Variants in DPP6 observed in about 807,000 individuals in gnomAD.
The protein encoded by DPP6 is dipeptidyl peptidase like 6.
DPP6 carries 69 observed loss-of-function variants against 122.6 expected under a neutral mutation model. The observed-to-expected ratio is 0.56, with a 90% CI of 0.46 to 0.69. DPP6 has a LOEUF of 0.69. Among genes scored for constraint, DPP6 ranks in the 30% least tolerant of loss-of-function variants. The pLI, the probability that DPP6 is intolerant of heterozygous loss-of-function variation, is 0.00. For missense variants in DPP6, 928 were observed against 1,116.9 expected, an observed-to-expected ratio of 0.83 and a Z score of 2.41; for synonymous variants, 418 against 433.1, an observed-to-expected ratio of 0.97 and a Z score of 0.43.
chr7:154,682,874 C>T (rs902484459), intron 7 of DPP6, among the ~76,000 whole-genome samples: 28 of 152,192 alleles, frequency 1.8e-4, no homozygotes, highest in Non-Finnish European at 5.9e-5. Context: ...CAGTGATAGA[C>T]GTGAGCACAG....
intron 1 of DPP6, among the ~76,000 whole-genome samples, chr7:154,056,863 T>C (rs1276081525): frequency 6.6e-6 from 1 of 152,284 alleles, no homozygotes; most frequent in Non-Finnish European, 1.5e-5. Flanking sequence ...TATACTCTAT[T>C]ACTTTTCTTC....
At chr7:154,085,776 G>T (rs58069046) in intron 1 of DPP6, among the ~76,000 whole-genome samples, 15,556 of 152,158 alleles carry the variant, frequency 0.1, 825 homozygotes, top group Middle Eastern at 0.18. Flanking sequence ...CACCCAGGCT[G>T]GAATGCAATG....
intron 1 of DPP6, chr7:153,968,716 T>G (rs1419867188): frequency 1.3e-5 from 2 of 151,702 alleles, no homozygotes; most frequent in Non-Finnish European, 2.9e-5. Context: ...CTTCCATTGC[T>G]AAGCCCACTA....
chr7:154,759,724 CTG>C (rs1490964242), intron 8 of DPP6, among the ~76,000 whole-genome samples: 3 of 152,270 alleles, frequency 2.0e-5, no homozygotes, highest in African/African-American at 7.2e-5. Flanking sequence ...AGGCCCCTCT[CTG>C]TGTCCAGCCA....
intron 5 of DPP6, among the ~76,000 whole-genome samples, chr7:154,571,071 A>G (rs937976935): frequency 1.3e-5 from 2 of 152,210 alleles, no homozygotes; most frequent in Non-Finnish European, 2.9e-5. Context: ...TATTTTATAC[A>G]TAAAATTTCA....
At chr7:154,826,074 T>C (rs1332275334) in intron 16 of DPP6, among the ~76,000 whole-genome samples, 1 of 152,204 alleles carries the variant, frequency 6.6e-6, no homozygotes, top group East Asian at 1.9e-4. Context: ...CGCAAACCCA[T>C]GATCATTACA....
At chr7:153,807,119 T>C in the DPP6 span, among the ~76,000 whole-genome samples, 1 of 151,850 alleles carries the variant, frequency 6.6e-6, no homozygotes. Context: ...TGCATTAATA[T>C]TTCTTGCCTT....
At chr7:154,782,924 T>C (rs1187995471) in intron 10 of DPP6, among the ~76,000 whole-genome samples, 3 of 152,104 alleles carry the variant, frequency 2.0e-5, no homozygotes, top group African/African-American at 7.2e-5. Flanking sequence ...GCTGGGATTA[T>C]AGGCAACTGC....
the DPP6 span, among the ~76,000 whole-genome samples, chr7:153,827,430 G>A: frequency 1.2e-4 from 19 of 152,214 alleles, no homozygotes; most frequent in Admixed American, 6.5e-4. Flanking sequence ...AATGTAAGAT[G>A]ACTCTGAAAG....
chr7:154,703,687 C>A (rs1840658606), intron 7 of DPP6, among the ~76,000 whole-genome samples: 1 of 151,498 alleles, frequency 6.6e-6, no homozygotes, highest in Non-Finnish European at 1.5e-5. Context: ...CCTGTACTTG[C>A]AGCACTTTAG....
intron 10 of DPP6, among the ~76,000 whole-genome samples, chr7:154,774,538 C>T (rs1291505357): frequency 6.6e-6 from 1 of 152,224 alleles, no homozygotes; most frequent in Admixed American, 6.5e-5. Context: ...TCAGCCAGGA[C>T]TTGAAGCCTG....
chr7:154,853,083 A>G (rs1802538557), intron 16 of DPP6, among the ~76,000 whole-genome samples: 1 of 152,052 alleles, frequency 6.6e-6, no homozygotes, highest in Non-Finnish European at 1.5e-5. Context: ...AATGTTTTCA[A>G]AAAGATATAG....
intron 5 of DPP6, among the ~76,000 whole-genome samples, chr7:154,572,918 G>A (rs1384584931): frequency 1.3e-5 from 2 of 152,130 alleles, no homozygotes; most frequent in Non-Finnish European, 2.9e-5. Flanking sequence ...TACCTCATTT[G>A]ATCCACCCGC....
chr7:154,641,959 A>AC (rs1836129675), intron 6 of DPP6, among the ~76,000 whole-genome samples: 2 of 152,186 alleles, frequency 1.3e-5, no homozygotes, highest in African/African-American at 4.8e-5. Context: ...CTGTGAAAAA[A>AC]TTGTGTTCCT....
chr7:154,416,153 G>A (rs1169154421), intron 1 of DPP6, among the ~76,000 whole-genome samples: 2 of 152,090 alleles, frequency 1.3e-5, no homozygotes, highest in South Asian at 2.1e-4. Context: ...ATCCTGCTCC[G>A]TCCTGTTCTG....
intron 18 of DPP6, among the ~76,000 whole-genome samples, chr7:154,868,349 C>T (rs1804074878): frequency 6.6e-6 from 1 of 152,210 alleles, no homozygotes; most frequent in Admixed American, 6.5e-5. Flanking sequence ...AGCAAGACCA[C>T]AGACTCCAAC....
chr7:154,200,942 A>T (rs890642286), intron 1 of DPP6, among the ~76,000 whole-genome samples: 2 of 146,820 alleles, frequency 1.4e-5, no homozygotes, highest in Non-Finnish European at 3.0e-5. Context: ...GGTTTCCTTT[A>T]AAAAAAAAAA....
At chr7:154,198,342 C>A (rs1798981242) in intron 1 of DPP6, among the ~76,000 whole-genome samples, 1 of 151,624 alleles carries the variant, frequency 6.6e-6, no homozygotes, top group African/African-American at 2.4e-5. Flanking sequence ...GATAGGGTCT[C>A]ACTCTGTCGC....
At position 154,433,589 on chromosome 7, in the gene DPP6, G is replaced by T. The variant is rs576125404; in HGVS notation, c.244-12625G>T. Among the ~76,000 whole-genome samples, 9 of 152,144 alleles carry T rather than the reference G, an allele frequency of 5.9e-5. No homozygotes were observed. In the South Asian group the frequency reaches 1.9e-3, roughly 32 times the overall value. Reference sequence around the variant, plus strand: ...GAATCTGCATTTGACGTGCACACCCGGGGGTTCTAAGGCTATTTTTGTACC... The same window carrying T: ...GAATCTGCATTTGACGTGCACACCCTGGGGTTCTAAGGCTATTTTTGTACC... On this transcript the variant is annotated intron_variant, in intron 1 of 25. Coordinates refer to ENST00000377770, the MANE Select transcript of DPP6 (RefSeq NM_130797.4).
Sources: gnomAD v4.1 joint callset for allele counts (sites outside exome capture counted in the v4.1 genomes callset) on GRCh38, gnomAD v4.1.1 for gene constraint, MANE v1.5 for transcripts, NCBI Gene and HGNC (gene_info 2026-07-23, HGNC 2026-07-21) for gene names.